The following FAXC variants were observed in gnomAD, a reference collection of about 807,000 sequenced individuals.
FAXC encodes failed axon connections homolog, metaxin like GST domain containing.
FAXC carries 10 observed loss-of-function variants against 41.9 expected under a neutral mutation model. The ratio of observed to expected loss-of-function variants is 0.24; its 90% CI spans 0.15 to 0.41. The LOEUF (loss-of-function observed/expected upper bound fraction) is 0.41. FAXC is among the 10% of genes least tolerant of loss of function. The probability of loss-of-function intolerance (pLI) is 1.00; values close to 1 mark genes in which losing one functional copy is unlikely to be tolerated. For synonymous variants in FAXC, 183 were observed against 183.8 expected (o/e 1.00, Z 0.03); for missense variants, 399 against 510.9 (o/e 0.78, Z 2.11).
chr6:99,322,653 A>C (rs1055849647), intron 4 of FAXC, among the ~76,000 whole-genome samples: 26 of 152,174 alleles, frequency 1.7e-4, no homozygotes, highest in African/African-American at 6.3e-4. Context: ...CCCCAGGAGA[A>C]GCCATTATTT....
At chr6:99,286,242 T>G (rs1030288898) in intron 5 of FAXC, among the ~76,000 whole-genome samples, 4 of 152,216 alleles carry the variant, frequency 2.6e-5, no homozygotes, top group Admixed American at 1.3e-4. Flanking sequence ...ACTTGAATAC[T>G]GTAATGAAAA....
intron 5 of FAXC, among the ~76,000 whole-genome samples, chr6:99,290,580 T>C (rs1007064079): frequency 6.6e-6 from 1 of 151,464 alleles, no homozygotes; most frequent in Non-Finnish European, 1.5e-5. Flanking sequence ...TGCACTCCTG[T>C]AATCCCAGCT....
chr6:99,318,127 T>C (rs1447869555), intron 4 of FAXC, among the ~76,000 whole-genome samples: 4 of 151,890 alleles, frequency 2.6e-5, no homozygotes, highest in African/African-American at 7.3e-5. Context: ...GGCATGGTGG[T>C]GGGCGCCTTT....
At chr6:99,322,428 G>A (rs1772628092) in intron 4 of FAXC, among the ~76,000 whole-genome samples, 1 of 152,152 alleles carries the variant, frequency 6.6e-6, no homozygotes, top group African/African-American at 2.4e-5. Flanking sequence ...GCACGAGGTG[G>A]TCTTCAACAA....
intron 2 of FAXC, among the ~76,000 whole-genome samples, chr6:99,339,711 C>G (rs1184229085): frequency 6.6e-6 from 1 of 151,848 alleles, no homozygotes; most frequent in African/African-American, 2.4e-5. Flanking sequence ...AACAAACAAA[C>G]AACAACAACA....
intron 2 of FAXC, among the ~76,000 whole-genome samples, chr6:99,336,701 TG>T (rs1336481722): frequency 6.6e-6 from 1 of 152,202 alleles, no homozygotes; most frequent in Non-Finnish European, 1.5e-5. Context: ...TGGACCTCCC[TG>T]GGTCTCCCTT....
At chr6:99,309,316 G>A (rs893814005) in intron 4 of FAXC, among the ~76,000 whole-genome samples, 1 of 151,968 alleles carries the variant, frequency 6.6e-6, no homozygotes, top group Admixed American at 6.6e-5. Flanking sequence ...AATATACCCA[G>A]GATAAAGACC....
At chr6:99,284,895 T>C (rs562283286) in intron 5 of FAXC, among the ~76,000 whole-genome samples, 11 of 147,278 alleles carry the variant, frequency 7.5e-5, no homozygotes, top group African/African-American at 2.8e-4. Context: ...GCCTGGGAGA[T>C]AAGAGTGAGC....
chr6:99,309,711 T>C (rs1772084088), intron 4 of FAXC: 1 of 156,374 alleles, frequency 6.4e-6, no homozygotes, highest in Admixed American at 6.5e-5. Context: ...TCCTCTCCCT[T>C]AGAGAGCAGT....
intron 4 of FAXC, chr6:99,309,766 G>A (rs889501193): frequency 1.6e-5 from 4 of 257,392 alleles, no homozygotes; most frequent in African/African-American, 9.2e-5. Flanking sequence ...ACCCGTCAGA[G>A]TAAATCACTT....
intron 5 of FAXC, among the ~76,000 whole-genome samples, 160 bp downstream of exon 5, chr6:99,291,544 C>G (rs907284933): frequency 2.6e-5 from 4 of 152,204 alleles, no homozygotes; most frequent in African/African-American, 9.7e-5. Context: ...CCAAAGTATC[C>G]TGAGTACAGA....
intron 4 of FAXC, among the ~76,000 whole-genome samples, chr6:99,302,619 G>T (rs1771758427): frequency 6.6e-6 from 1 of 152,044 alleles, no homozygotes; most frequent in East Asian, 1.9e-4. Flanking sequence ...TCACACCACT[G>T]CACTACAGCC....
At chr6:99,311,485 G>A (rs1772154234) in intron 4 of FAXC, among the ~76,000 whole-genome samples, 1 of 152,214 alleles carries the variant, frequency 6.6e-6, no homozygotes. Context: ...TGAGGCAGGA[G>A]AATTGCTTGA....
At chr6:99,307,715 G>GT (rs1771981616) in intron 4 of FAXC, among the ~76,000 whole-genome samples, 1 of 152,052 alleles carries the variant, frequency 6.6e-6, no homozygotes, top group African/African-American at 2.4e-5. Flanking sequence ...AAAGAGTGAG[G>GT]TAACTGCAGG....
chr6:99,293,309 C>T (rs1771318559), intron 4 of FAXC, among the ~76,000 whole-genome samples: 1 of 152,184 alleles, frequency 6.6e-6, no homozygotes. Flanking sequence ...ACAATTTATG[C>T]CTCCAACTGC....
intron 4 of FAXC, among the ~76,000 whole-genome samples, chr6:99,297,429 G>C (rs1051448929): frequency 1.3e-5 from 2 of 152,118 alleles, no homozygotes; most frequent in African/African-American, 4.8e-5. Flanking sequence ...TGAAGACTTA[G>C]GCCAAATTGA....
intron 3 of FAXC, among the ~76,000 whole-genome samples, chr6:99,327,601 T>C (rs1290234996): frequency 6.6e-6 from 1 of 152,160 alleles, no homozygotes. Context: ...CCTATCTTCC[T>C]ACTCCACACT....
chr6:99,336,546 T>A (rs1343615496), intron 2 of FAXC, among the ~76,000 whole-genome samples: 1 of 152,260 alleles, frequency 6.6e-6, no homozygotes, highest in Non-Finnish European at 1.5e-5. Context: ...CCTCCATATT[T>A]TTTCCAAGCT....
intron 5 of FAXC, among the ~76,000 whole-genome samples, chr6:99,288,863 C>T (rs113831314): frequency 4.4e-5 from 6 of 135,710 alleles, no homozygotes; most frequent in Non-Finnish European, 1.0e-4. Flanking sequence ...CACACATACA[C>T]ACACACACAC....
Sources: allele counts gnomAD v4.1 joint callset (sites outside exome capture counted in the v4.1 genomes callset), GRCh38; gene constraint gnomAD v4.1.1; transcripts MANE v1.5; gene names NCBI Gene and HGNC (gene_info 2026-07-23, HGNC 2026-07-21).